SEC23B: variants seen among roughly 807,000 people sequenced by gnomAD.
The protein encoded by SEC23B is protein transport protein Sec23B.
SEC23B carries 77 observed loss-of-function variants against 104.3 expected under a neutral mutation model. The observed-to-expected ratio is 0.74, with a 90% CI of 0.61 to 0.89. The LOEUF is 0.89. Ranked by LOEUF, SEC23B falls within the 40% of genes least tolerant of loss-of-function variation. SEC23B has a pLI of 0.00. For synonymous variants in SEC23B, 338 were observed against 332.5 expected, an observed-to-expected ratio of 1.02 and a Z score of -0.18; for missense variants, 885 against 949.4, an observed-to-expected ratio of 0.93 and a Z score of 0.89.
chr20:18,527,103 G>A (rs1387087104), intron 8 of SEC23B, among the ~76,000 whole-genome samples: 1 of 152,264 alleles, frequency 6.6e-6, no homozygotes, highest in East Asian at 1.9e-4. Flanking sequence ...TGTAATTTCA[G>A]CTACTCGGGA....
rs200152499 is a variant in SEC23B, at chr20:18,511,056, G to A, written c.221G>A (p.Cys74Tyr). 1.0e-4 allele frequency: 162 copies of A among 1,603,110 alleles called. No individual in the cohort carries two copies. Among genetic ancestry groups the A allele is most frequent in the Non-Finnish European group, 1.4e-4 (161 of 1,170,144 alleles). The change falls in exon 2 of 20, where the codon TGT (cysteine) becomes TAT (tyrosine). Residue 74 changes from cysteine (C) to tyrosine (Y), a missense_variant and splice_region_variant. Coordinates refer to ENST00000650089, the MANE Select transcript of SEC23B (RefSeq NM_006363.6). The part of the protein sequence containing the change: ...PTCKAVLNPL[C>Y]QVDYRAKLWA... ...TGTAAAGCTGTTCTCAACCCACTTT[G>A]GTATGGATTCTTTTGAAACTGGTAA...
intron 4 of SEC23B, among the ~76,000 whole-genome samples, chr20:18,521,640 G>T (rs1043370112): frequency 1.3e-5 from 2 of 152,130 alleles, no homozygotes; most frequent in African/African-American, 2.4e-5. Flanking sequence ...ATTATAGGGT[G>T]GGGGAGCAGA....
intron 19 of SEC23B, among the ~76,000 whole-genome samples, chr20:18,556,276 GTGTA>G (rs1481304452): frequency 2.0e-5 from 3 of 152,176 alleles, no homozygotes; most frequent in Non-Finnish European, 4.4e-5. Context: ...CTGATTTAAA[GTGTA>G]TGGGAGGGTA....
intron 19 of SEC23B, among the ~76,000 whole-genome samples, chr20:18,558,544 G>A (rs553912051): frequency 2.0e-5 from 3 of 152,132 alleles, no homozygotes; most frequent in Admixed American, 2.0e-4. Context: ...CCAGTGACAT[G>A]AATGTTAGAT....
At position 18,555,169 on chromosome 20, in the gene SEC23B, G is replaced by T. The variant is rs139750050; in HGVS notation, c.2210G>T (p.Gly737Val). The change falls in exon 19 of 20, where the codon GGA (glycine) becomes GTA (valine). Residue 737 changes from glycine (G) to valine (V), a missense_variant. Physicochemically the swap from Gly to Val is moderately radical, Grantham distance 109. Coordinates refer to ENST00000650089, the MANE Select transcript of SEC23B (RefSeq NM_006363.6). ...SQTHNNLYAW[G>V]QETGAPILTD... is the part of the protein sequence containing the mutation. ...ACACACAATAACCTGTATGCTTGGGGACAGGTAAGAAATCTTCAGGTATTT... is the reference window on the plus strand; with the variant it reads ...ACACACAATAACCTGTATGCTTGGGTACAGGTAAGAAATCTTCAGGTATTT... The T allele has an allele frequency of 3.1e-6, 5 of 1,611,568 alleles. No individual in the cohort carries two copies. Among genetic ancestry groups the T allele is most frequent in the South Asian group, 1.1e-5 (1 of 91,026 alleles).
intron 4 of SEC23B, among the ~76,000 whole-genome samples, chr20:18,517,742 G>T (rs1007535155): frequency 6.6e-6 from 1 of 152,162 alleles, no homozygotes; most frequent in African/African-American, 2.4e-5. Context: ...GGCGTAAGGG[G>T]TGATGTTGTG....
Position 18,548,598 on chromosome 20 carries a change from T to C in SEC23B, c.1744-11T>C, listed in dbSNP as rs2060356545. 1.9e-6 allele frequency: 3 copies of C among 1,613,042 alleles called. No individual in the cohort carries two copies. Among genetic ancestry groups the C allele is most frequent in the Non-Finnish European group, 2.5e-6 (3 of 1,179,094 alleles). On this transcript the variant is annotated splice_polypyrimidine_tract_variant and intron_variant, in intron 15 of 19. Coordinates refer to ENST00000650089, the MANE Select transcript of SEC23B (RefSeq NM_006363.6). ...TATATGCATTTCTCTTTCCGTTCTT[T>C]GTGAATGCAGTTTATGTTCCATCTG... is the stretch of plus-strand genomic sequence containing the variant.
rs57231166 is a variant in SEC23B, at chr20:18,518,582, GTT to G, written c.366+2868_366+2869del. The stretch of plus-strand genomic sequence containing the variant: ...AATGGGCCTGTGAGGCTGGAAGGAG[GTT>G]TTTTTTTTTTTTTTTTTTTTTGTCT... On this transcript the variant is annotated intron_variant, in intron 4 of 19. Coordinates refer to ENST00000650089, the MANE Select transcript of SEC23B (RefSeq NM_006363.6). Among the ~76,000 whole-genome samples, 673 of 92,622 alleles carry G rather than the reference GTT, an allele frequency of 7.3e-3. 8 individuals are homozygous for G. The highest frequency in any genetic ancestry group is 0.017 in the African/African-American group (412 of 23,670). 60.8% of individuals were successfully genotyped at this position (92,622 alleles called of 152,430 possible). A position where few individuals can be genotyped will look rare whatever the true frequency, so the allele number is the denominator to read the frequency against.
chr20:18,552,691 G>C (rs1026633089), intron 17 of SEC23B, among the ~76,000 whole-genome samples: 5 of 152,060 alleles, frequency 3.3e-5, no homozygotes, highest in African/African-American at 1.2e-4. Context: ...GCAGACACCT[G>C]TAATCCCAGC....
intron 4 of SEC23B, among the ~76,000 whole-genome samples, chr20:18,523,437 C>G (rs2060104287): frequency 7.8e-6 from 1 of 128,978 alleles, no homozygotes; most frequent in African/African-American, 2.9e-5. Context: ...GAGCCTTGCT[C>G]TGTCACCCAG....
At chr20:18,520,287 A>G (rs2060071070) in intron 4 of SEC23B, among the ~76,000 whole-genome samples, 1 of 152,226 alleles carries the variant, frequency 6.6e-6, no homozygotes, top group South Asian at 2.1e-4. Context: ...GCCATGCTAT[A>G]ACAAGCGAGT....
intron 8 of SEC23B, among the ~76,000 whole-genome samples, 161 bp from the exon 9 acceptor site, chr20:18,527,335 A>G (rs564917742): frequency 1.2e-4 from 19 of 152,310 alleles, no homozygotes; most frequent in African/African-American, 4.1e-4. Flanking sequence ...TGGAGATCGC[A>G]CCACTGCACT....
chr20:18,523,108 A>G (rs1360372485), intron 4 of SEC23B, among the ~76,000 whole-genome samples: 1 of 151,924 alleles, frequency 6.6e-6, no homozygotes, highest in Non-Finnish European at 1.5e-5. Context: ...CTCTGTTCAG[A>G]AAACCCCACT....
intron 16 of SEC23B, among the ~76,000 whole-genome samples, chr20:18,549,986 TAAA>T (rs2060371185): frequency 6.7e-6 from 1 of 149,732 alleles, no homozygotes; most frequent in East Asian, 1.9e-4. Flanking sequence ...AAAATAAAAA[TAAA>T]AAAGAAATAA....
At chr20:18,540,408 A>T (rs1353588553) in intron 12 of SEC23B, among the ~76,000 whole-genome samples, 1 of 152,184 alleles carries the variant, frequency 6.6e-6, no homozygotes. Context: ...AGGTCTCAAC[A>T]GTGGGCTTTA....
In SEC23B at chr20:18,561,195, T is replaced by C. The variant is rs2060489147; in HGVS notation, c.*455T>C. On this transcript the variant is annotated 3_prime_UTR_variant, in exon 20 of 20. Transcript: ENST00000650089. ...TGTTTCCTGAACCTAATTCTCATAA[T>C]TAAAGTAATGTATATGCAGGATCAA... The C allele has an allele frequency of 4.7e-6, 1 of 211,746 alleles. No individual in the cohort carries two copies. The highest frequency in any genetic ancestry group is 5.3e-5 in the Admixed American group (1 of 18,756). 13.1% of individuals were successfully genotyped at this position (211,746 alleles called of 1,614,324 possible). A position where few individuals can be genotyped will look rare whatever the true frequency, so the allele number is the denominator to read the frequency against.
chr20:18,524,870 T>TA, intron 5 of SEC23B, 65 bp from the exon 6 acceptor site: 1 of 1,559,752 alleles, frequency 6.4e-7, no homozygotes, highest in Non-Finnish European at 8.8e-7. Context: ...GGACATTTCT[T>TA]AAAAATTAGT....
chr20:18,513,799 T>C (rs536182064), intron 3 of SEC23B, among the ~76,000 whole-genome samples: 77 of 152,382 alleles, frequency 5.1e-4, no homozygotes, highest in Non-Finnish European at 9.4e-4. Flanking sequence ...TTTATTATAG[T>C]AATTCTAAGG....
intron 4 of SEC23B, among the ~76,000 whole-genome samples, chr20:18,520,621 T>C (rs1195891794): frequency 1.3e-5 from 2 of 152,170 alleles, no homozygotes; most frequent in African/African-American, 2.4e-5. Context: ...CATTAAAGAA[T>C]GTTGTCCAAG....
Sources: gnomAD v4.1 joint callset for allele counts (sites outside exome capture counted in the v4.1 genomes callset) on GRCh38, gnomAD v4.1.1 for gene constraint, MANE v1.5 for transcripts, NCBI Gene and HGNC (gene_info 2026-07-23, HGNC 2026-07-21) for gene names.